Variants in DPP6 observed in about 807,000 individuals in gnomAD.
The protein encoded by DPP6 is A-type potassium channel modulatory protein DPP6.
In DPP6, 69 loss-of-function variants were observed where a neutral mutation model predicts 122.6. The ratio of observed to expected loss-of-function variants is 0.56; its 90% CI spans 0.46 to 0.69. The LOEUF (loss-of-function observed/expected upper bound fraction) is 0.69, where lower values mean the gene tolerates loss of function less well. DPP6 is among the 30% of genes least tolerant of loss of function. The probability of loss-of-function intolerance (pLI) is 0.00; values close to 1 mark genes in which losing one functional copy is unlikely to be tolerated. For missense variants in DPP6, 928 were observed against 1,116.9 expected (o/e 0.83, Z 2.41); for synonymous variants, 418 against 433.1 (o/e 0.97, Z 0.43).
chr7:154,778,010 A>G (rs1033589325), intron 10 of DPP6, among the ~76,000 whole-genome samples: 3 of 151,960 alleles, frequency 2.0e-5, no homozygotes. Context: ...CATTTTATTG[A>G]TTTGCTCTTT....
chr7:154,349,476 A>G (rs1329187099), intron 1 of DPP6, among the ~76,000 whole-genome samples: 3 of 152,148 alleles, frequency 2.0e-5, no homozygotes, highest in Non-Finnish European at 2.9e-5. Context: ...ACACTCGGCC[A>G]ATTTCTTTTT....
At chr7:154,067,422 A>G (rs1802807617) in intron 1 of DPP6, among the ~76,000 whole-genome samples, 1 of 151,184 alleles carries the variant, frequency 6.6e-6, no homozygotes, top group Non-Finnish European at 1.5e-5. Flanking sequence ...AAGGAGGAGA[A>G]AGCTATCTCA....
At chr7:154,522,144 T>C (rs947876494) in intron 3 of DPP6, among the ~76,000 whole-genome samples, 1 of 151,922 alleles carries the variant, frequency 6.6e-6, no homozygotes, top group Admixed American at 6.6e-5. Context: ...TTGTTGTTGT[T>C]GTTGTATGTT....
At chr7:154,300,016 G>A (rs1034211271) in intron 1 of DPP6, among the ~76,000 whole-genome samples, 18 of 152,354 alleles carry the variant, frequency 1.2e-4, no homozygotes, top group Admixed American at 2.6e-4. Flanking sequence ...AAGTGAAAAC[G>A]CCTCTCTTCA....
chr7:154,659,791 A>G lies in DPP6; in HGVS notation c.681-9569A>G, dbSNP rs544133323. Reference sequence around the variant, plus strand: ...CATCTTGGAGTCACTTGTTTAACTTATAGAGACTGAGAAAGATTGAGAGGT... The same window carrying G: ...CATCTTGGAGTCACTTGTTTAACTTGTAGAGACTGAGAAAGATTGAGAGGT... On this transcript the variant is annotated intron_variant, in intron 6 of 25. Transcript: ENST00000377770. 1.1e-4 allele frequency among the ~76,000 whole-genome samples: 16 copies of G among 152,336 alleles called. No individual in the cohort carries two copies. The South Asian group carries it at 3.3e-3, about 32-fold the overall frequency.
chr7:154,044,582 G>C (rs539532236), intron 1 of DPP6, among the ~76,000 whole-genome samples: 18 of 152,262 alleles, frequency 1.2e-4, no homozygotes, highest in Non-Finnish European at 2.2e-4. Flanking sequence ...TAAAATTCAA[G>C]AAAAGCTACC....
At chr7:153,809,687 A>G in the DPP6 span, among the ~76,000 whole-genome samples, 2 of 151,924 alleles carry the variant, frequency 1.3e-5, no homozygotes, top group Non-Finnish European at 2.9e-5. Flanking sequence ...GGTAGAGAGC[A>G]TGGAGCAGCA....
chr7:154,307,869 T>A (rs73727965), intron 1 of DPP6, among the ~76,000 whole-genome samples: 1,666 of 152,086 alleles, frequency 0.011, 28 homozygotes, highest in African/African-American at 0.039. Context: ...TGTTTCTTTT[T>A]TTTTTTTTTT....
At chr7:154,701,007 A>G (rs2131264166) in intron 7 of DPP6, among the ~76,000 whole-genome samples, 1 of 151,916 alleles carries the variant, frequency 6.6e-6, no homozygotes, top group Non-Finnish European at 1.5e-5. Context: ...CATCACCATC[A>G]CTCATCCCCA....
intron 1 of DPP6, among the ~76,000 whole-genome samples, chr7:154,353,696 A>G (rs1199913829): frequency 6.6e-6 from 1 of 152,176 alleles, no homozygotes; most frequent in Non-Finnish European, 1.5e-5. Flanking sequence ...GCAAATCAAC[A>G]AAAGACCTCC....
intron 1 of DPP6, among the ~76,000 whole-genome samples, chr7:153,969,783 A>C (rs1248082565): frequency 2.0e-5 from 3 of 150,960 alleles, no homozygotes; most frequent in Non-Finnish European, 4.4e-5. Flanking sequence ...CGATTATGAT[A>C]CAAAACAATT....
At chr7:154,285,866 C>T (rs1804816369) in intron 1 of DPP6, among the ~76,000 whole-genome samples, 1 of 152,208 alleles carries the variant, frequency 6.6e-6, no homozygotes, top group Non-Finnish European at 1.5e-5. Flanking sequence ...AGCAATTTAA[C>T]TTTCTGCAGG....
intron 25 of DPP6, chr7:154,891,346 T>C (rs1806585292): frequency 6.6e-6 from 1 of 152,206 alleles, no homozygotes; most frequent in Non-Finnish European, 1.5e-5. Flanking sequence ...TAATTAGCCA[T>C]CATCCTATTG....
intron 10 of DPP6, among the ~76,000 whole-genome samples, 158 bp downstream of exon 10, chr7:154,773,100 A>C (rs1383789882): frequency 6.6e-6 from 1 of 152,106 alleles, no homozygotes; most frequent in Non-Finnish European, 1.5e-5. Context: ...TTATGATTCC[A>C]TTTTCTAGGA....
chr7:154,775,349 C>A (rs73728236), intron 10 of DPP6, among the ~76,000 whole-genome samples: 2,449 of 152,190 alleles, frequency 0.016, 63 homozygotes, highest in African/African-American at 0.055. Context: ...CCAATCGTTC[C>A]ATCTTGTGGC....
chr7:153,788,335 G>A, the DPP6 span, among the ~76,000 whole-genome samples: 3 of 152,156 alleles, frequency 2.0e-5, no homozygotes, highest in African/African-American at 7.2e-5. Context: ...TGAATGACCT[G>A]TTCAAAATTA....
intron 5 of DPP6, among the ~76,000 whole-genome samples, chr7:154,621,615 C>A (rs1424739179): frequency 6.6e-6 from 1 of 152,202 alleles, no homozygotes; most frequent in East Asian, 1.9e-4. Flanking sequence ...GATCCGCCCA[C>A]CTTGGCCTCC....
intron 1 of DPP6, among the ~76,000 whole-genome samples, chr7:154,184,310 G>C (rs1457287149): frequency 6.6e-6 from 1 of 151,826 alleles, no homozygotes; most frequent in Non-Finnish European, 1.5e-5. Context: ...CCCCTGGGAG[G>C]CTGAGTAGGT....
intron 25 of DPP6, chr7:154,891,190 C>G (rs975353721): frequency 6.6e-6 from 1 of 152,162 alleles, no homozygotes; most frequent in Admixed American, 6.5e-5. Flanking sequence ...ATGGTAACAC[C>G]ATGGCATTCC....
Sources: allele counts gnomAD v4.1 joint callset (sites outside exome capture counted in the v4.1 genomes callset), GRCh38; gene constraint gnomAD v4.1.1; transcripts MANE v1.5; gene names NCBI Gene and HGNC (gene_info 2026-07-23, HGNC 2026-07-21).